NRXN3: variants seen among roughly 807,000 people sequenced by gnomAD.
NRXN3 encodes the protein neurexin 3.
In NRXN3, 32 loss-of-function variants were observed where a neutral mutation model predicts 137.6. The observed-to-expected ratio is 0.23, with a 90% CI of 0.18 to 0.31. The LOEUF (loss-of-function observed/expected upper bound fraction) is 0.31, where lower values mean the gene tolerates loss of function less well. NRXN3 is among the 10% of genes least tolerant of loss of function. The probability of loss-of-function intolerance (pLI) is 1.00; values close to 1 mark genes in which losing one functional copy is unlikely to be tolerated. For missense variants in NRXN3, 1,574 were observed against 2,062.5 expected, an observed-to-expected ratio of 0.76 and a Z score of 4.59; for synonymous variants, 798 against 784.5, an observed-to-expected ratio of 1.02 and a Z score of -0.29.
intron 4 of NRXN3, chr14:78,526,683 A>C (rs1372585488): frequency 1.2e-5 from 6 of 498,750 alleles, no homozygotes; most frequent in Non-Finnish European, 2.0e-5. Flanking sequence ...TGCACCGTGC[A>C]CTAGGGTAAG....
At chr14:78,731,709 T>C (rs979965422) in intron 8 of NRXN3, among the ~76,000 whole-genome samples, 4 of 151,540 alleles carry the variant, frequency 2.6e-5, no homozygotes, top group Admixed American at 6.6e-5. Context: ...ATATATATTA[T>C]TTGGGAGATA....
At chr14:79,770,157 T>A (rs1331398177) in intron 19 of NRXN3, among the ~76,000 whole-genome samples, 1 of 151,770 alleles carries the variant, frequency 6.6e-6, no homozygotes. Context: ...AGACTTAGAC[T>A]CCCACACATT....
intron 8 of NRXN3, among the ~76,000 whole-genome samples, chr14:78,763,259 GGCACAAAT>G (rs1469022056): frequency 6.6e-6 from 1 of 152,140 alleles, no homozygotes; most frequent in Non-Finnish European, 1.5e-5. Flanking sequence ...AAGGGATAAT[GGCACAAAT>G]GCTGACCTCC....
intron 2 of NRXN3, among the ~76,000 whole-genome samples, chr14:78,246,336 GT>G (rs903481771): frequency 1.3e-5 from 2 of 151,924 alleles, no homozygotes; most frequent in East Asian, 3.8e-4. Context: ...TGTGCCATTG[GT>G]TTTTTAATAG....
intron 4 of NRXN3, among the ~76,000 whole-genome samples, chr14:78,468,319 TG>T (rs1219514759): frequency 6.6e-6 from 1 of 152,166 alleles, no homozygotes; most frequent in East Asian, 1.9e-4. Flanking sequence ...GGGGGCATAA[TG>T]GGGCTGTCTC....
intron 2 of NRXN3, among the ~76,000 whole-genome samples, chr14:78,244,771 A>G (rs533674439): frequency 6.6e-6 from 1 of 152,318 alleles, no homozygotes; most frequent in East Asian, 1.9e-4. Context: ...GAACATTGCA[A>G]AGAGGCACAG....
chr14:79,504,802 T>A (rs997452387), intron 16 of NRXN3, among the ~76,000 whole-genome samples: 2 of 151,660 alleles, frequency 1.3e-5, no homozygotes, highest in Admixed American at 1.3e-4. Context: ...CCTTATCAAC[T>A]CTAGGGATTT....
intron 4 of NRXN3, among the ~76,000 whole-genome samples, chr14:78,314,188 G>A (rs575545467): frequency 4.6e-5 from 7 of 152,240 alleles, no homozygotes; most frequent in Middle Eastern, 3.4e-3. Context: ...CAGTGGTAGC[G>A]ACTTGTGGTT....
intron 1 of NRXN3, among the ~76,000 whole-genome samples, chr14:78,182,689 T>C (rs2059915250): frequency 6.6e-6 from 1 of 152,102 alleles, no homozygotes; most frequent in Non-Finnish European, 1.5e-5. Context: ...CAGGCTGGTC[T>C]CGAACTCCCA....
rs141547674 is a variant in NRXN3 at position 78,536,670 on chromosome 14, C to T, written c.758-108450C>T. On this transcript the variant is annotated intron_variant, in intron 4 of 20. Transcript: ENST00000335750. ...ATGTGCACAACGTGCAGATTTGATA[C>T]ATAGGTATACATGTGCCATGTTGGT... 6.7e-3 allele frequency among the ~76,000 whole-genome samples: 1,013 copies of T among 151,578 alleles called. 9 individuals are homozygous for T. The highest frequency in any genetic ancestry group is 0.023 in the African/African-American group (950 of 41,266).
chr14:78,756,545 C>CAA (rs869164043), intron 8 of NRXN3, among the ~76,000 whole-genome samples: 15 of 70,764 alleles, frequency 2.1e-4, no homozygotes, highest in Middle Eastern at 8.1e-3. Context: ...GATTCTGTCT[C>CAA]AAAAAAAAAA....
rs1257773493 is a variant in NRXN3, at chr14:78,173,743, G to A, written c.-704+3069G>A. Among the ~76,000 whole-genome samples, 4 of 80,038 alleles carry A rather than the reference G, an allele frequency of 5.0e-5. No individual in the cohort carries two copies. The Admixed American group carries it at 6.8e-4, about 14-fold the overall frequency. The allele number at this position is 80,038 out of a possible 152,430, so 52.5% of individuals were successfully genotyped here. On this transcript the variant is annotated intron_variant, in intron 1 of 20. Coordinates refer to ENST00000335750, the MANE Select transcript of NRXN3 (RefSeq NM_001330195.2). ...TTTTTTTGCAACACAACAGTCGTGC[G>A]ATGGCCTTTCCTACATGCCACACGG...
intron 19 of NRXN3, among the ~76,000 whole-genome samples, chr14:79,698,743 C>T (rs894108994): frequency 4.6e-5 from 7 of 152,058 alleles, no homozygotes; most frequent in Admixed American, 1.3e-4. Context: ...ATTGCTGCTG[C>T]GACAACAATT....
chr14:79,092,255 G>T (rs999674527), intron 15 of NRXN3, among the ~76,000 whole-genome samples: 1 of 152,168 alleles, frequency 6.6e-6, no homozygotes, highest in Non-Finnish European at 1.5e-5. Context: ...CTAAAGAGAA[G>T]ATCAGAGACC....
At chr14:78,570,872 T>C (rs1009428205) in intron 4 of NRXN3, among the ~76,000 whole-genome samples, 5 of 152,216 alleles carry the variant, frequency 3.3e-5, no homozygotes, top group African/African-American at 7.2e-5. Flanking sequence ...CCTCATTCCA[T>C]GACTGAGGCC....
intron 15 of NRXN3, among the ~76,000 whole-genome samples, chr14:79,063,841 G>A (rs1179882607): frequency 6.6e-6 from 1 of 152,064 alleles, no homozygotes; most frequent in Non-Finnish European, 1.5e-5. Flanking sequence ...TAACATGTTG[G>A]AATTGTGGGT....
chr14:78,355,350 CTTTTT>C (rs5809878), intron 4 of NRXN3, among the ~76,000 whole-genome samples: 1 of 148,482 alleles, frequency 6.7e-6, no homozygotes, highest in Non-Finnish European at 1.5e-5. Context: ...ACCATATTGA[CTTTTT>C]TTTTTTTTAA....
At chr14:78,661,643 A>G (rs1227728565) in intron 6 of NRXN3, among the ~76,000 whole-genome samples, 1 of 152,240 alleles carries the variant, frequency 6.6e-6, no homozygotes, top group Admixed American at 6.5e-5. Context: ...CAAAGGAGGT[A>G]ACAGTTCTGC....
chr14:79,139,596 G>A (rs1316494211), intron 15 of NRXN3, among the ~76,000 whole-genome samples: 2 of 152,028 alleles, frequency 1.3e-5, no homozygotes, highest in South Asian at 2.1e-4. Context: ...GACTTGCTGC[G>A]AGTGTGTCAC....
Sources: allele counts gnomAD v4.1 joint callset (sites outside exome capture counted in the v4.1 genomes callset), GRCh38; gene constraint gnomAD v4.1.1; transcripts MANE v1.5; gene names NCBI Gene and HGNC (gene_info 2026-07-23, HGNC 2026-07-21).